The following CNKSR2 variants were observed in gnomAD, a reference collection of about 807,000 sequenced individuals.
CNKSR2 encodes the protein CNK homolog protein 2.
Under a neutral mutation model 84.4 loss-of-function variants are expected in CNKSR2, and 14 were observed. The observed-to-expected ratio is 0.17, with a 90% CI of 0.11 to 0.26. The LOEUF is 0.26. CNKSR2 is among the 10% of genes least tolerant of loss of function. CNKSR2 has a pLI of 1.00. For synonymous variants in CNKSR2, 275 were observed against 277.9 expected, an observed-to-expected ratio of 0.99 and a Z score of 0.10; for missense variants, 485 against 771.2, an observed-to-expected ratio of 0.63 and a Z score of 4.40.
intron 13 of CNKSR2, among the ~76,000 whole-genome samples, chrX:21,575,900 T>A (rs975252089): frequency 1.8e-5 from 2 of 112,132 alleles, no homozygotes; most frequent in Non-Finnish European, 3.8e-5. Context: ...CATGACAATC[T>A]TAAACATGTA....
chrX:21,463,625 C>G (rs915637589), intron 4 of CNKSR2, among the ~76,000 whole-genome samples: 11 of 111,296 alleles, frequency 9.9e-5, no homozygotes, highest in Non-Finnish European at 2.1e-4. Context: ...ATCGCTGCTG[C>G]TAGTTATTCA....
chrX:21,627,660 A>G (rs2092630281), intron 20 of CNKSR2, among the ~76,000 whole-genome samples: 1 of 110,812 alleles, frequency 9.0e-6, no homozygotes, highest in Admixed American at 9.6e-5. Flanking sequence ...GTGGAGGGAA[A>G]CTCCCATTTT....
intron 11 of CNKSR2, among the ~76,000 whole-genome samples, chrX:21,553,351 GT>G (rs1487920200): frequency 9.1e-6 from 1 of 110,370 alleles, no homozygotes; most frequent in South Asian, 3.8e-4. Context: ...AACTTCTTTA[GT>G]TTTTTTTCAC....
chrX:21,446,796 G>T (rs1028159982), intron 4 of CNKSR2, among the ~76,000 whole-genome samples: 2 of 111,448 alleles, frequency 1.8e-5, no homozygotes, highest in African/African-American at 6.5e-5. Flanking sequence ...GCAAATAGTA[G>T]ATCCTATTTC....
intron 20 of CNKSR2, among the ~76,000 whole-genome samples, chrX:21,641,204 C>T (rs1277928064): frequency 8.9e-6 from 1 of 111,769 alleles, no homozygotes; most frequent in Non-Finnish European, 1.9e-5. Context: ...TTAACATAAA[C>T]TATTCTGATT....
chrX:21,588,016 T>C (rs2147244280), intron 13 of CNKSR2, among the ~76,000 whole-genome samples: 1 of 111,794 alleles, frequency 8.9e-6, no homozygotes, highest in African/African-American at 3.2e-5. Context: ...CCTCCCATGA[T>C]AGGTCACACA....
At chrX:21,480,089 A>G (rs946663051) in intron 5 of CNKSR2, among the ~76,000 whole-genome samples, 2 of 111,177 alleles carry the variant, frequency 1.8e-5, no homozygotes, top group Admixed American at 9.6e-5. Context: ...TCTATTGACA[A>G]AAACTTAACA....
chrX:21,459,938 CTG>C (rs2091041183), intron 4 of CNKSR2, among the ~76,000 whole-genome samples: 2 of 111,692 alleles, frequency 1.8e-5, no homozygotes, highest in Non-Finnish European at 3.8e-5. Flanking sequence ...AAATTAGACA[CTG>C]TTTTTCCCTT....
chrX:21,610,665 A>C (rs1271480627), intron 20 of CNKSR2, among the ~76,000 whole-genome samples: 1 of 112,295 alleles, frequency 8.9e-6, no homozygotes, highest in Non-Finnish European at 1.9e-5. Context: ...ATGAAAGCAG[A>C]GTGTAGCCTT....
At chrX:21,391,557 C>T (rs2090051414) in intron 1 of CNKSR2, among the ~76,000 whole-genome samples, 1 of 111,875 alleles carries the variant, frequency 8.9e-6, no homozygotes, top group Admixed American at 9.4e-5. Context: ...AAGCAGTGTC[C>T]TGAGGTTGTA....
intron 4 of CNKSR2, among the ~76,000 whole-genome samples, chrX:21,465,769 A>G (rs1393727005): frequency 1.8e-5 from 2 of 111,534 alleles, no homozygotes; most frequent in African/African-American, 6.5e-5. Flanking sequence ...ACAATTGATG[A>G]GAAATATTAC....
chrX:21,438,476 G>A (rs1218649287), intron 3 of CNKSR2, among the ~76,000 whole-genome samples: 5 of 111,100 alleles, frequency 4.5e-5, no homozygotes, highest in Non-Finnish European at 9.4e-5. Flanking sequence ...GTAGTGGGGC[G>A]CTTGGTTAAG....
chrX:21,573,921 T>C (rs2092301774), intron 13 of CNKSR2, among the ~76,000 whole-genome samples: 1 of 111,899 alleles, frequency 8.9e-6, no homozygotes, highest in Admixed American at 9.5e-5. Flanking sequence ...TTCTACTGCA[T>C]TGTCAGGCTG....
intron 1 of CNKSR2, among the ~76,000 whole-genome samples, chrX:21,399,130 G>C (rs1291709047): frequency 2.7e-5 from 3 of 110,934 alleles, no homozygotes; most frequent in Non-Finnish European, 5.7e-5. Flanking sequence ...TACAATATTA[G>C]AAAACTTGGT....
At chrX:21,585,340 A>G (rs1057335551) in intron 13 of CNKSR2, among the ~76,000 whole-genome samples, 67 of 107,160 alleles carry the variant, frequency 6.3e-4, no homozygotes, top group African/African-American at 2.1e-3. Flanking sequence ...TAAGAGCAGA[A>G]GCAGGGAGAA....
intron 5 of CNKSR2, among the ~76,000 whole-genome samples, chrX:21,484,918 T>A (rs2091364367): frequency 8.9e-6 from 1 of 111,802 alleles, no homozygotes; most frequent in Admixed American, 9.5e-5. Flanking sequence ...GCGTGGTGGC[T>A]CACGCCTGTA....
At chrX:21,596,363 A>C (rs1461608150) in intron 17 of CNKSR2, among the ~76,000 whole-genome samples, 1 of 112,002 alleles carries the variant, frequency 8.9e-6, no homozygotes, top group African/African-American at 3.2e-5. Flanking sequence ...CCTTTAATAA[A>C]GTGAAAATAA....
chrX:21,509,549 T>TA (rs1462216274), intron 8 of CNKSR2, among the ~76,000 whole-genome samples: 1 of 111,788 alleles, frequency 8.9e-6, no homozygotes, highest in East Asian at 2.8e-4. Context: ...AAGCTAGGGT[T>TA]AAAAATCACT....
At chrX:21,637,539 T>C (rs2092677548) in intron 20 of CNKSR2, 1 of 111,375 alleles carries the variant, frequency 9.0e-6, no homozygotes, top group Non-Finnish European at 1.9e-5. Flanking sequence ...CTCCCTATGG[T>C]ATTAAAAAAT....
Sources: allele counts gnomAD v4.1 joint callset (sites outside exome capture counted in the v4.1 genomes callset), GRCh38; gene constraint gnomAD v4.1.1; transcripts MANE v1.5; gene names NCBI Gene and HGNC (gene_info 2026-07-23, HGNC 2026-07-21).